Variants in ERI3 observed in about 807,000 individuals in gnomAD.
The protein encoded by ERI3 is ERI1 exoribonuclease 3.
Under a neutral mutation model 44.4 loss-of-function variants are expected in ERI3, and 18 were observed. The ratio of observed to expected loss-of-function variants is 0.41; its 90% confidence interval spans 0.28 to 0.60. The LOEUF (loss-of-function observed/expected upper bound fraction) is 0.60. ERI3 is among the 20% of genes least tolerant of loss of function. ERI3 has a pLI of 0.36. For missense variants in ERI3, 294 were observed against 435.5 expected (o/e 0.68, Z 2.89); for synonymous variants, 183 against 164.8 (o/e 1.11, Z -0.84).
At chr1:44,284,979 G>T in intron 6 of ERI3, 72 bp from the exon 7 acceptor site, 1 of 1,266,188 alleles carries the variant, frequency 7.9e-7, no homozygotes, top group Non-Finnish European at 1.2e-6. Context: ...AAGATGGGAA[G>T]TCCAACAGAG....
chr1:44,314,143 T>A (rs1250170211), intron 4 of ERI3, among the ~76,000 whole-genome samples: 2 of 122,492 alleles, frequency 1.6e-5, no homozygotes, highest in Non-Finnish European at 3.7e-5. Flanking sequence ...TTCTTTTTTT[T>A]AAAGTGTGTT....
intron 6 of ERI3, among the ~76,000 whole-genome samples, chr1:44,286,602 T>G (rs1336994013): frequency 3.3e-5 from 5 of 152,096 alleles, no homozygotes; most frequent in African/African-American, 1.2e-4. Flanking sequence ...CAAGTTTTAT[T>G]GAGCTAAAAT....
chr1:44,231,016 CATGAG>C (rs1387072714), intron 8 of ERI3, among the ~76,000 whole-genome samples: 5 of 152,204 alleles, frequency 3.3e-5, no homozygotes, highest in Non-Finnish European at 5.9e-5. Context: ...TTTGCATATA[CATGAG>C]ATATCTTGGG....
intron 2 of ERI3, among the ~76,000 whole-genome samples, chr1:44,351,476 A>G (rs1265795518): frequency 6.6e-6 from 1 of 152,232 alleles, no homozygotes; most frequent in Non-Finnish European, 1.5e-5. Flanking sequence ...TTTTATAAAT[A>G]AAGTTTTACA....
At chr1:44,343,198 C>G (rs1646719050) in intron 2 of ERI3, among the ~76,000 whole-genome samples, 1 of 151,812 alleles carries the variant, frequency 6.6e-6, no homozygotes, top group African/African-American at 2.4e-5. Flanking sequence ...GGCCAAGAAA[C>G]AATGATAGTA....
intron 6 of ERI3, among the ~76,000 whole-genome samples, chr1:44,301,416 G>A (rs1445245670): frequency 6.6e-6 from 1 of 152,172 alleles, no homozygotes; most frequent in Non-Finnish European, 1.5e-5. Context: ...CTGAGGCCCT[G>A]ACTACAGCCT....
rs1644468963 is a variant in ERI3 at position 44,242,835 on chromosome 1, G to T, written c.931+5104C>A. ...GACCCGGGAAACTTCAAGGAGGGAAGGCAAAGCTGTACTGCAGACGAGCTC... is the reference window on the plus strand; with the variant it reads ...GACCCGGGAAACTTCAAGGAGGGAATGCAAAGCTGTACTGCAGACGAGCTC... On this transcript the variant is annotated intron_variant, in intron 8 of 8. Coordinates refer to ENST00000372257, the MANE Select transcript of ERI3 (RefSeq NM_024066.3). Among the ~76,000 whole-genome samples the T allele has an allele frequency of 7.2e-5, 11 of 152,290 alleles. 1 individual carries two copies. The South Asian group carries it at 2.3e-3, about 32-fold the overall frequency.
At chr1:44,313,939 GT>G (rs1205612654) in intron 4 of ERI3, among the ~76,000 whole-genome samples, 1 of 151,900 alleles carries the variant, frequency 6.6e-6, no homozygotes, top group African/African-American at 2.4e-5. Context: ...TCAGGCCTGG[GT>G]TCAAACAAGC....
At chr1:44,266,897 C>G (rs1645000537) in intron 7 of ERI3, among the ~76,000 whole-genome samples, 2 of 152,200 alleles carry the variant, frequency 1.3e-5, no homozygotes, top group African/African-American at 2.4e-5. Flanking sequence ...ATTCCCTTCC[C>G]TCTCATAGTC....
intron 5 of ERI3, among the ~76,000 whole-genome samples, chr1:44,310,129 A>C (rs1191342033): frequency 6.6e-6 from 1 of 152,202 alleles, no homozygotes. Context: ...AAGGGGAGAA[A>C]GGCAGATCAT....
chr1:44,338,444 G>A (rs148367781), intron 3 of ERI3, among the ~76,000 whole-genome samples: 82 of 152,322 alleles, frequency 5.4e-4, no homozygotes, highest in African/African-American at 1.5e-3. Context: ...TTTTGGCTAA[G>A]AGCCTCAGTT....
rs75808406 is a variant in ERI3 at position 44,231,844 on chromosome 1, C to A, written c.932-10204G>T. On this transcript the variant is annotated intron_variant, in intron 8 of 8. Transcript: ENST00000372257. ...ACATGAGGGTAAGTTTGCTGAAAGG[C>A]CTTCAAGGAAAATTTCTTATCTCTT... 2.8e-4 allele frequency among the ~76,000 whole-genome samples: 42 copies of A among 152,274 alleles called. No individual in the cohort carries two copies. The East Asian group carries it at 7.1e-3, about 26-fold the overall frequency.
rs1264827578 is a variant in ERI3 at position 44,266,937 on chromosome 1, C to G, written c.831+17898G>C. ...TAGTTTCCTTAAGACCCAGTGAATT[C>G]CTAGATAGGCTCGTCCTGAACATAC... On this transcript the variant is annotated intron_variant, in intron 7 of 8. Transcript: ENST00000372257. 2.0e-5 allele frequency among the ~76,000 whole-genome samples: 3 copies of G among 152,194 alleles called. No individual in the cohort carries two copies. In the East Asian group the frequency reaches 5.8e-4, roughly 29 times the overall value.
chr1:44,342,934 C>G (rs1373139483), intron 2 of ERI3, among the ~76,000 whole-genome samples: 1 of 121,514 alleles, frequency 8.2e-6, no homozygotes, highest in African/African-American at 3.2e-5. Context: ...GTCTTAAATT[C>G]CTAGGCTCAA....
intron 2 of ERI3, among the ~76,000 whole-genome samples, chr1:44,348,903 A>T (rs976352792): frequency 5.3e-5 from 8 of 152,228 alleles, no homozygotes; most frequent in South Asian, 4.1e-4. Flanking sequence ...TTCATATGGT[A>T]TCAAGGACAA....
At chr1:44,333,098 C>CCCTCAAGCATTTTGTGCT (rs1553199458) in intron 3 of ERI3, among the ~76,000 whole-genome samples, 1 of 152,162 alleles carries the variant, frequency 6.6e-6, no homozygotes, top group Non-Finnish European at 1.5e-5. Flanking sequence ...TAACTCAGCC[C>CCCTCAAGCATTTTGTGCT]CCTCAAGCAT....
Position 44,241,608 on chromosome 1 carries a change from G to A in ERI3, c.931+6331C>T, listed in dbSNP as rs143213936. 3.8e-3 allele frequency among the ~76,000 whole-genome samples: 572 copies of A among 152,204 alleles called. 4 individuals are homozygous for A. Among genetic ancestry groups the A allele is most frequent in the African/African-American group, 0.013 (553 of 41,518 alleles). ...CTGCAAGATCACCAGGGGTCAGGGC[G>A]CTGACATCCCCGCAGAGTCTATCTG... On this transcript the variant is annotated intron_variant, in intron 8 of 8. Coordinates refer to ENST00000372257, the MANE Select transcript of ERI3 (RefSeq NM_024066.3). This position sits in a 1 kb window ranked among gnomAD's most constrained non-coding sequence, Gnocchi z 5.6.
chr1:44,294,179 T>C (rs529540594), intron 6 of ERI3, among the ~76,000 whole-genome samples: 169 of 152,306 alleles, frequency 1.1e-3, no homozygotes, highest in African/African-American at 3.3e-3. Context: ...CAGCTGGAAG[T>C]GTTCCCAGAC....
intron 8 of ERI3, among the ~76,000 whole-genome samples, chr1:44,233,130 G>T (rs927027193): frequency 6.6e-6 from 1 of 152,104 alleles, no homozygotes; most frequent in Non-Finnish European, 1.5e-5. Context: ...CAAAATCAGA[G>T]TCATCAGCCT....
Sources: gnomAD v4.1 joint callset for allele counts (sites outside exome capture counted in the v4.1 genomes callset) on GRCh38, gnomAD v4.1.1 for gene constraint, Gnocchi (gnomAD v3.1) non-coding constraint, MANE v1.5 for transcripts, NCBI Gene and HGNC (gene_info 2026-07-23, HGNC 2026-07-21) for gene names.